ZBTB16: variants seen among roughly 807,000 people sequenced by gnomAD.
ZBTB16 encodes the protein zinc finger and BTB domain containing 16.
Under a neutral mutation model 56.8 loss-of-function variants are expected in ZBTB16, and 8 were observed. The observed-to-expected ratio is 0.14, with a 90% CI of 0.08 to 0.25. ZBTB16 has a LOEUF of 0.25. ZBTB16 is among the 10% of genes least tolerant of loss of function. The pLI, the probability that ZBTB16 is intolerant of heterozygous loss-of-function variation, is 1.00. For missense variants in ZBTB16, 625 were observed against 903.0 expected, an observed-to-expected ratio of 0.69 and a Z score of 3.95; for synonymous variants, 363 against 368.5, an observed-to-expected ratio of 0.98 and a Z score of 0.17.
At position 114,143,223 on chromosome 11, in the gene ZBTB16, G is replaced by T. The variant is rs1343801354; in HGVS notation, c.1269-13114G>T. Among the ~76,000 whole-genome samples, 1 of 152,162 alleles carries T rather than the reference G, an allele frequency of 6.6e-6. No individual in the cohort carries two copies. The highest frequency in any genetic ancestry group is 1.5e-5 in the Non-Finnish European group (1 of 68,040). On this transcript the variant is annotated intron_variant, in intron 2 of 6. Transcript: ENST00000335953. The surrounding 1 kb of genome is among the most constrained non-coding windows in gnomAD (Gnocchi z 6.4). The stretch of plus-strand genomic sequence containing the variant: ...AATCCCGATTGATTTATTACCCACT[G>T]TACAGCCAAGATGCATCCACCCCTC...
At chr11:114,181,782 T>A (rs138110266) in intron 3 of ZBTB16, among the ~76,000 whole-genome samples, 45 of 152,246 alleles carry the variant, frequency 3.0e-4, no homozygotes, top group Middle Eastern at 3.4e-3. Context: ...CTAGCGCACT[T>A]TATCTTCTGC....
intron 4 of ZBTB16, among the ~76,000 whole-genome samples, chr11:114,222,707 G>A (rs1185266431): frequency 6.6e-6 from 1 of 152,198 alleles, no homozygotes; most frequent in African/African-American, 2.4e-5. Context: ...GCAGGAGGGT[G>A]TTGGAGGTCA....
Position 114,256,183 on chromosome 11 carries a change from G to A in ZBTB16, c.*5628G>A, listed in dbSNP as rs565045538. Among the ~76,000 whole-genome samples, 9 of 152,238 alleles carry A rather than the reference G, an allele frequency of 5.9e-5. No individual in the cohort carries two copies. The East Asian group carries it at 1.5e-3, about 26-fold the overall frequency. On this transcript the variant is annotated 3_prime_UTR_variant, in exon 7 of 7. Coordinates refer to ENST00000335953, the MANE Select transcript of ZBTB16 (RefSeq NM_006006.6). ...CACATTTACAAGGCACAGATGCACTGAATAACATTTTTCTAATACTTTTTA... is the reference window on the plus strand; with the variant it reads ...CACATTTACAAGGCACAGATGCACTAAATAACATTTTTCTAATACTTTTTA...
chr11:114,245,082 C>T (rs903506765), intron 5 of ZBTB16, among the ~76,000 whole-genome samples: 4 of 152,156 alleles, frequency 2.6e-5, no homozygotes, highest in Admixed American at 6.5e-5. Context: ...AGAGTGGGTT[C>T]GGGTGCACAC....
At chr11:114,193,276 G>A (rs897493258) in intron 4 of ZBTB16, among the ~76,000 whole-genome samples, 2 of 152,142 alleles carry the variant, frequency 1.3e-5, no homozygotes, top group African/African-American at 4.8e-5. Context: ...GAAAGGATGG[G>A]GAATGGAGAA....
intron 4 of ZBTB16, among the ~76,000 whole-genome samples, chr11:114,220,780 C>G (rs530572413): frequency 1.7e-4 from 26 of 152,300 alleles, no homozygotes; most frequent in African/African-American, 5.3e-4. Flanking sequence ...CCATGACTTC[C>G]CTCTAGGGAC....
At chr11:114,095,257 T>C (rs1314498932) in intron 2 of ZBTB16, among the ~76,000 whole-genome samples, 11 of 133,426 alleles carry the variant, frequency 8.2e-5, no homozygotes, top group Middle Eastern at 3.7e-3. Context: ...TTTTTTTTTT[T>C]TTTTTTTTTT....
At chr11:114,195,786 C>G (rs1436104097) in intron 4 of ZBTB16, among the ~76,000 whole-genome samples, 1 of 152,182 alleles carries the variant, frequency 6.6e-6, no homozygotes. Context: ...TGGTCTTCCT[C>G]AGAGGCTTCT....
chr11:114,250,215 G>A lies in ZBTB16; in HGVS notation c.1793-111G>A. ...CATTGTCCCAGAAAGTTCTGTTGGA[G>A]CAAGCCCAGCTGGAGGAACCCAGCT... On this transcript the variant is annotated intron_variant, in intron 6 of 6. Coordinates refer to ENST00000335953, the MANE Select transcript of ZBTB16 (RefSeq NM_006006.6). The surrounding 1 kb of genome is among the most constrained non-coding windows in gnomAD (Gnocchi z 6.0). 8.1e-7 allele frequency: 1 copy of A among 1,239,376 alleles called. No individual in the cohort carries two copies. The highest frequency in any genetic ancestry group is 1.2e-6 in the Non-Finnish European group (1 of 858,260). 76.8% of individuals were successfully genotyped at this position (1,239,376 alleles called of 1,614,324 possible).
intron 3 of ZBTB16, among the ~76,000 whole-genome samples, chr11:114,160,034 T>C (rs648116): frequency 0.39 from 58,312 of 151,418 alleles, 12,077 homozygotes; most frequent in African/African-American, 0.55. Context: ...TAAATGTTGC[T>C]GCCCTTGCAC....
At chr11:114,245,504 C>T (rs1944796856) in intron 5 of ZBTB16, among the ~76,000 whole-genome samples, 1 of 152,134 alleles carries the variant, frequency 6.6e-6, no homozygotes, top group African/African-American at 2.4e-5. Flanking sequence ...CCCTCAGAGC[C>T]ATCAGAACAG....
At chr11:114,212,914 G>T (rs888087442) in intron 4 of ZBTB16, among the ~76,000 whole-genome samples, 2 of 151,914 alleles carry the variant, frequency 1.3e-5, no homozygotes, top group Non-Finnish European at 2.9e-5. Flanking sequence ...TTTCTGCTTG[G>T]TAGAAAATGC....
At chr11:114,154,731 G>GGT (rs143118154) in intron 2 of ZBTB16, among the ~76,000 whole-genome samples, 141 of 151,642 alleles carry the variant, frequency 9.3e-4, no homozygotes, top group East Asian at 5.2e-3. Flanking sequence ...CATAGATAAG[G>GGT]GTGTGTGTGT....
chr11:114,191,712 A>C (rs1217267186), intron 4 of ZBTB16, among the ~76,000 whole-genome samples: 1 of 152,230 alleles, frequency 6.6e-6, no homozygotes, highest in African/African-American at 2.4e-5. Flanking sequence ...AAATTGTCTA[A>C]TGAAACATTT....
Position 114,061,151 on chromosome 11 carries a change from G to C in ZBTB16, c.-91+1269G>C, listed in dbSNP as rs566003686. The stretch of plus-strand genomic sequence containing the variant: ...CTCGGTGGGGGTCGCTGGGAACTGG[G>C]GGGGTGTGAGAGCGCGGTCGATCCC... On this transcript the variant is annotated intron_variant, in intron 1 of 6. Transcript: ENST00000335953. 3.3e-4 allele frequency among the ~76,000 whole-genome samples: 48 copies of C among 146,122 alleles called. 1 individual carries two copies. The highest frequency in any genetic ancestry group is 1.5e-3 in the Admixed American group (22 of 14,714).
chr11:114,242,076 G>A, intron 4 of ZBTB16, 91 bp from the exon 5 acceptor site: 2 of 1,536,040 alleles, frequency 1.3e-6, no homozygotes, highest in Non-Finnish European at 8.9e-7. Context: ...TTGGAGGTGT[G>A]AGTCCCGACA....
chr11:114,205,944 C>G (rs887239308), intron 4 of ZBTB16, among the ~76,000 whole-genome samples: 2 of 152,068 alleles, frequency 1.3e-5, no homozygotes, highest in African/African-American at 4.8e-5. Context: ...GGCTCGGGAT[C>G]CCCTGTCTCC....
chr11:114,126,024 T>G (rs1421642946), intron 2 of ZBTB16, among the ~76,000 whole-genome samples: 1 of 152,138 alleles, frequency 6.6e-6, no homozygotes, highest in African/African-American at 2.4e-5. Flanking sequence ...CTGGAGTACA[T>G]TGGGAAGCAA....
chr11:114,169,097 A>G (rs1399581481), intron 3 of ZBTB16, among the ~76,000 whole-genome samples: 1 of 152,050 alleles, frequency 6.6e-6, no homozygotes, highest in African/African-American at 2.4e-5. Context: ...TAGGAGGGGT[A>G]GGAGGAGAGA....
Sources: allele counts gnomAD v4.1 joint callset (sites outside exome capture counted in the v4.1 genomes callset), GRCh38; gene constraint gnomAD v4.1.1; non-coding constraint Gnocchi (gnomAD v3.1); transcripts MANE v1.5; gene names NCBI Gene and HGNC (gene_info 2026-07-23, HGNC 2026-07-21).